DDX3X: variants seen among roughly 807,000 people sequenced by gnomAD.
DDX3X encodes ATP-dependent RNA helicase DDX3X.
Under a neutral mutation model 52.7 loss-of-function variants are expected in DDX3X, and 4 were observed. The observed-to-expected ratio is 0.08, with a 90% CI of 0.04 to 0.17. DDX3X has a LOEUF of 0.17. Among genes scored for constraint, DDX3X ranks in the 10% least tolerant of loss-of-function variants. The pLI, the probability that DDX3X is intolerant of heterozygous loss-of-function variation, is 1.00. For synonymous variants in DDX3X, 192 were observed against 178.1 expected (o/e 1.08, Z -0.62); for missense variants, 222 against 548.6 (o/e 0.40, Z 5.95).
intron 5 of DDX3X, among the ~76,000 whole-genome samples, chrX:41,358,711 C>G (rs1272945473): frequency 4.5e-5 from 5 of 111,706 alleles, no homozygotes; most frequent in Non-Finnish European, 1.9e-5. Context: ...AGCACAAAAG[C>G]AGCTGCCATG....
At chrX:41,362,398 T>G (rs949221371) in intron 5 of DDX3X, among the ~76,000 whole-genome samples, 2 of 111,205 alleles carry the variant, frequency 1.8e-5, no homozygotes, top group African/African-American at 6.5e-5. Context: ...TGAGCCAAGT[T>G]AACTTCTTTC....
chrX:41,361,789 G>A (rs2147373934), intron 5 of DDX3X, among the ~76,000 whole-genome samples: 1 of 111,451 alleles, frequency 9.0e-6, no homozygotes, highest in South Asian at 3.8e-4. Flanking sequence ...TATTTTCATA[G>A]ATTATCTAAT....
intron 5 of DDX3X, among the ~76,000 whole-genome samples, chrX:41,359,441 A>G (rs2064020284): frequency 9.2e-6 from 1 of 109,249 alleles, no homozygotes; most frequent in African/African-American, 3.3e-5. Flanking sequence ...TACTAAAAAT[A>G]CAAAAATTAG....
At chrX:41,359,594 C>A (rs1253809241) in intron 5 of DDX3X, among the ~76,000 whole-genome samples, 6 of 52,702 alleles carry the variant, frequency 1.1e-4, no homozygotes, top group African/African-American at 5.1e-4. Context: ...AAGATTCCAT[C>A]TCAAAAAAAA....
At position 41,350,215 on chromosome X, in the gene DDX3X, T is replaced by C. The variant is rs1489950380; in HGVS notation, c.*2496T>C. ...AAAAGTTGAACTGCACAGTCTCCTTTGTTGTTGTCAATTGTGGTTTATTTT... is the reference window on the plus strand; with the variant it reads ...AAAAGTTGAACTGCACAGTCTCCTTCGTTGTTGTCAATTGTGGTTTATTTT... On this transcript the variant is annotated 3_prime_UTR_variant, in exon 17 of 17. Coordinates refer to ENST00000644876, the MANE Select transcript of DDX3X (RefSeq NM_001356.5). 8.9e-6 allele frequency: 1 copy of C among 112,410 alleles called. No homozygotes were observed. The highest frequency in any genetic ancestry group is 2.8e-4 in the East Asian group (1 of 3,612). The allele number at this position is 112,410 out of a possible 1,213,427, so 9.3% of individuals were successfully genotyped here.
intron 5 of DDX3X, among the ~76,000 whole-genome samples, chrX:41,363,674 T>C (rs1030739357): frequency 9.3e-5 from 10 of 107,699 alleles, no homozygotes; most frequent in Non-Finnish European, 1.9e-4. Flanking sequence ...TCCCAGCTAC[T>C]CGGAAGGCTG....
In DDX3X at chrX:41,334,800, G is replaced by A. The variant is rs868824668; in HGVS notation, c.45+503G>A. 328 of 912,806 alleles carry A rather than the reference G, an allele frequency of 3.6e-4. No homozygotes were observed. The highest frequency in any genetic ancestry group is 3.4e-3 in the Middle Eastern group (10 of 2,930). The allele number at this position is 912,806 out of a possible 1,213,427, so 75.2% of individuals were successfully genotyped here. A position where few individuals can be genotyped will look rare whatever the true frequency, so the allele number is the denominator to read the frequency against. On this transcript the variant is annotated intron_variant, in intron 1 of 16. Transcript: ENST00000644876. Reference sequence around the variant, plus strand: ...ACGCGGCCCAGGAATGTGGGAGGGGGCGGCCTTCGCTCGGGGTAATGGCGG... The same window carrying A: ...ACGCGGCCCAGGAATGTGGGAGGGGACGGCCTTCGCTCGGGGTAATGGCGG...
At chrX:41,334,756 C>T (rs1218055171) in intron 1 of DDX3X, 4 of 968,169 alleles carry the variant, frequency 4.1e-6, no homozygotes, top group East Asian at 7.2e-5. Context: ...TGTTTGCGTG[C>T]CTGCGAGCAA....
intron 12 of DDX3X, 44 bp downstream of exon 12, chrX:41,345,592 C>T (rs1465768735): frequency 3.7e-6 from 4 of 1,087,898 alleles, no homozygotes; most frequent in Middle Eastern, 3.0e-4. Context: ...GGGGGTTTCT[C>T]TTTGTTGCCC....
At chrX:41,343,879 G>T in intron 8 of DDX3X, 57 bp downstream of exon 8, 1 of 1,058,586 alleles carries the variant, frequency 9.4e-7, no homozygotes, top group Non-Finnish European at 1.3e-6. Flanking sequence ...GCCATTGAGA[G>T]GGCTTTCTAA....
At chrX:41,353,297 C>CAAAAA (rs61067509), downstream of DDX3X, among the ~76,000 whole-genome samples, 2 of 46,038 alleles carry the variant, frequency 4.3e-5, no homozygotes, top group Admixed American at 2.6e-4. Flanking sequence ...ACTAAAAATA[C>CAAAAA]AAAAAAAAAA....
intron 7 of DDX3X, 150 bp downstream of exon 7, chrX:41,343,501 T>C (rs2063880703): frequency 1.6e-5 from 9 of 564,727 alleles, no homozygotes; most frequent in Non-Finnish European, 2.5e-5. Context: ...ACATAAATTA[T>C]TGGTTACGGC....
chrX:41,334,073 C>A, upstream of DDX3X: 1 of 449,205 alleles, frequency 2.2e-6, no homozygotes, highest in East Asian at 3.8e-5. Context: ...CAGGGAATTG[C>A]GGTGTGAGAG....
intron 1 of DDX3X, chrX:41,334,648 C>G: frequency 1.9e-6 from 2 of 1,059,360 alleles, no homozygotes; most frequent in Non-Finnish European, 2.5e-6. Flanking sequence ...GTGCGCAGCG[C>G]GGCGGGACGC....
chrX:41,355,884 T>G (rs942082952), intron 5 of DDX3X, among the ~76,000 whole-genome samples: 2 of 110,515 alleles, frequency 1.8e-5, no homozygotes, highest in African/African-American at 6.6e-5. Context: ...GAACATCTTT[T>G]CGTGTTCTTA....
intron 3 of DDX3X, chrX:41,340,611 T>C: frequency 3.7e-6 from 1 of 270,232 alleles, no homozygotes; most frequent in African/African-American, 2.8e-5. Flanking sequence ...GAATATATAG[T>C]GATGAGGGTT....
At chrX:41,363,732 G>A (rs1010818866) in intron 5 of DDX3X, among the ~76,000 whole-genome samples, 4 of 111,309 alleles carry the variant, frequency 3.6e-5, no homozygotes, top group South Asian at 3.7e-4. Flanking sequence ...GCAGTGAGCC[G>A]AGATCGCACC....
At position 41,349,650 on chromosome X, in the gene DDX3X, A is replaced by G. The variant is rs902325961; in HGVS notation, c.*1931A>G. On this transcript the variant is annotated 3_prime_UTR_variant, in exon 17 of 17. Transcript: ENST00000644876. ...AATGTCACCGTATGCGTGAAATTAT[A>G]TATTTCGGGGTAGTGTGAGCTTTTA... 3 of 112,350 alleles carry G rather than the reference A, an allele frequency of 2.7e-5. No individual in the cohort carries two copies. The highest frequency in any genetic ancestry group is 9.7e-5 in the African/African-American group (3 of 30,874). The allele number at this position is 112,350 out of a possible 1,213,427, so 9.3% of individuals were successfully genotyped here. A position where few individuals can be genotyped will look rare whatever the true frequency, so the allele number is the denominator to read the frequency against.
chrX:41,345,745 G>A (rs2063914987), intron 12 of DDX3X, 197 bp downstream of exon 12: 3 of 402,999 alleles, frequency 7.4e-6, no homozygotes, highest in Non-Finnish European at 1.3e-5. Flanking sequence ...AGGTTACCAT[G>A]TTGATGCCAA....
Sources: gnomAD v4.1 joint callset for allele counts (sites outside exome capture counted in the v4.1 genomes callset) on GRCh38, gnomAD v4.1.1 for gene constraint, MANE v1.5 for transcripts, NCBI Gene and HGNC (gene_info 2026-07-23, HGNC 2026-07-21) for gene names.